MLEC: variants seen among roughly 807,000 people sequenced by gnomAD.
MLEC encodes malectin.
In MLEC, 7 loss-of-function variants were observed where a neutral mutation model predicts 28.7. The observed-to-expected ratio is 0.24, with a 90% confidence interval of 0.14 to 0.46. The LOEUF is 0.46. Among genes scored for constraint, MLEC ranks in the 20% least tolerant of loss-of-function variants. The pLI is 0.99. For missense variants in MLEC, 237 were observed against 391.1 expected, an observed-to-expected ratio of 0.61 and a Z score of 3.32; for synonymous variants, 142 against 164.4, an observed-to-expected ratio of 0.86 and a Z score of 1.04.
At position 120,696,703 on chromosome 12, in the gene MLEC, G is replaced by C; in HGVS notation, c.*158G>C. The C allele has an allele frequency of 9.0e-7, 1 of 1,108,180 alleles. No individual in the cohort carries two copies. Among genetic ancestry groups the C allele is most frequent in the Non-Finnish European group, 1.3e-6 (1 of 793,348 alleles). The allele number at this position is 1,108,180 out of a possible 1,614,324, so 68.6% of individuals were successfully genotyped here. A position where few individuals can be genotyped will look rare whatever the true frequency, so the allele number is the denominator to read the frequency against. ...GACAAAAAGAGGCAGAGCGAGTAGA[G>C]AGCAGCCCTCATTCACCACCTGGTC... On this transcript the variant is annotated 3_prime_UTR_variant, in exon 5 of 5. Coordinates refer to ENST00000228506, the MANE Select transcript of MLEC (RefSeq NM_014730.4). This position sits in a 1 kb window ranked among gnomAD's most constrained non-coding sequence, Gnocchi z 5.4.
At position 120,696,556 on chromosome 12, in the gene MLEC, C is replaced by G; in HGVS notation, c.*11C>G. 1.2e-6 allele frequency: 2 copies of G among 1,614,124 alleles called. No homozygotes were observed. The highest frequency in any genetic ancestry group is 1.7e-6 in the Non-Finnish European group (2 of 1,180,000). On this transcript the variant is annotated 3_prime_UTR_variant, in exon 5 of 5. Transcript: ENST00000228506. This position sits in a 1 kb window ranked among gnomAD's most constrained non-coding sequence, Gnocchi z 5.4. ...CTCTGCCGGTTGTGAGAACAAATGACTATCCTGAACAGGGTGGAGGGGTGT... is the reference window on the plus strand; with the variant it reads ...CTCTGCCGGTTGTGAGAACAAATGAGTATCCTGAACAGGGTGGAGGGGTGT...
Position 120,696,426 on chromosome 12 carries a change from G to T in MLEC, c.760G>T (p.Val254Leu), listed in dbSNP as rs1882235929. 1.2e-6 allele frequency: 2 copies of T among 1,614,110 alleles called. No individual in the cohort carries two copies. The highest frequency in any genetic ancestry group is 4.5e-5 in the East Asian group (2 of 44,886). The change falls in exon 5 of 5, where the codon GTG becomes TTG. Residue 254 changes from valine (V) to leucine (L), a missense_variant. By Grantham distance (32) the Val-to-Leu change is conservative. Coordinates refer to ENST00000228506, the MANE Select transcript of MLEC (RefSeq NM_014730.4). This position sits in a 1 kb window ranked among gnomAD's most constrained non-coding sequence, Gnocchi z 5.4. ...CAAAAAACAGACCAATAAGAACCGG[G>T]TGCAGTCAGGCCCCCGCACACCCAA... The part of the protein sequence containing the change: ...NLKKQTNKNR[V>L]QSGPRTPNPY...
Position 120,697,449 on chromosome 12 carries a change from T to C in MLEC, c.*904T>C, listed in dbSNP as rs984839914. ...CTTGAATGTCTTCTCCTTTACCACC[T>C]CACCTTGTTGGTACCTCCCTCCCTG... On this transcript the variant is annotated 3_prime_UTR_variant, in exon 5 of 5. Coordinates refer to ENST00000228506, the MANE Select transcript of MLEC (RefSeq NM_014730.4). The surrounding 1 kb of genome is among the most constrained non-coding windows in gnomAD (Gnocchi z 4.8). 1 of 152,672 alleles carries C rather than the reference T, an allele frequency of 6.5e-6. No individual in the cohort carries two copies. The highest frequency in any genetic ancestry group is 1.5e-5 in the Non-Finnish European group (1 of 68,100). 9.5% of individuals were successfully genotyped at this position (152,672 alleles called of 1,614,324 possible).
intron 1 of MLEC, among the ~76,000 whole-genome samples, chr12:120,693,813 G>A (rs1882123336): frequency 6.6e-6 from 1 of 152,210 alleles, no homozygotes; most frequent in Non-Finnish European, 1.5e-5. Flanking sequence ...GGGGGAAAAA[G>A]TCATTTTAAT....
At position 120,694,065 on chromosome 12, in the gene MLEC, G is replaced by A. The variant is rs992766024; in HGVS notation, c.236-26G>A. On this transcript the variant is annotated intron_variant, in intron 1 of 4. Transcript: ENST00000228506. This position sits in a 1 kb window ranked among gnomAD's most constrained non-coding sequence, Gnocchi z 4.5. Reference sequence around the variant, plus strand: ...TTCTTTTGTGTCTTGCCTCTGATGTGCTTTCTCTTTGTCTTTTGTCCTCAG... The same window carrying A: ...TTCTTTTGTGTCTTGCCTCTGATGTACTTTCTCTTTGTCTTTTGTCCTCAG... The A allele has an allele frequency of 1.4e-5, 23 of 1,602,580 alleles. No individual in the cohort carries two copies. Among genetic ancestry groups the A allele is most frequent in the Non-Finnish European group, 1.9e-5 (22 of 1,172,810 alleles).
rs530349203 is a variant in MLEC at position 120,697,977 on chromosome 12, C to G, written c.*1432C>G. The G allele has an allele frequency of 1.3e-5, 2 of 152,314 alleles. No individual in the cohort carries two copies. Among genetic ancestry groups the G allele is most frequent in the African/African-American group, 4.8e-5 (2 of 41,554 alleles). The allele number at this position is 152,314 out of a possible 1,614,324, so 9.4% of individuals were successfully genotyped here. A position where few individuals can be genotyped will look rare whatever the true frequency, so the allele number is the denominator to read the frequency against. On this transcript the variant is annotated 3_prime_UTR_variant, in exon 5 of 5. Coordinates refer to ENST00000228506, the MANE Select transcript of MLEC (RefSeq NM_014730.4). The surrounding 1 kb of genome is among the most constrained non-coding windows in gnomAD (Gnocchi z 4.8). ...CTAACCTTAGCATCTAAGTGTCGAT[C>G]TTGAATTCCCTGAAAAAATTTCTAT...
At chr12:120,690,396 A>C (rs1881995271) in intron 1 of MLEC, among the ~76,000 whole-genome samples, 1 of 152,142 alleles carries the variant, frequency 6.6e-6, no homozygotes, top group Non-Finnish European at 1.5e-5. Flanking sequence ...GAGGGCACAG[A>C]ATTTTGCTTG....
chr12:120,694,802 T>C lies in MLEC; in HGVS notation c.415-22T>C. 1 of 1,592,380 alleles carries C rather than the reference T, an allele frequency of 6.3e-7. No homozygotes were observed. Among genetic ancestry groups the C allele is most frequent in the East Asian group, 2.2e-5 (1 of 44,536 alleles). On this transcript the variant is annotated intron_variant, in intron 2 of 4. Coordinates refer to ENST00000228506, the MANE Select transcript of MLEC (RefSeq NM_014730.4). This position sits in a 1 kb window ranked among gnomAD's most constrained non-coding sequence, Gnocchi z 4.5. The stretch of plus-strand genomic sequence containing the variant: ...TGTAAAGCTGATGGTTTTGACATTG[T>C]TTTCTTTTCTTATCCTGGAAGGTAT...
intron 1 of MLEC, among the ~76,000 whole-genome samples, chr12:120,692,525 CTAA>C (rs934034999): frequency 5.3e-5 from 8 of 152,000 alleles, no homozygotes; most frequent in African/African-American, 1.7e-4. Context: ...GATCTCGTGG[CTAA>C]TGTCACTTAC....
rs1447197579 is a variant in MLEC at position 120,699,055 on chromosome 12, T to TTTTTTG, written c.*2527_*2532dup. The stretch of plus-strand genomic sequence containing the variant: ...GGCTCATGATGCTGAACTTGAAAGT[T>TTTTTTG]TTTTTGTTTTTGTTTTTGTTTTGTG... On this transcript the variant is annotated 3_prime_UTR_variant, in exon 5 of 5. Coordinates refer to ENST00000228506, the MANE Select transcript of MLEC (RefSeq NM_014730.4). 3.9e-5 allele frequency: 6 copies of TTTTTTG among 152,784 alleles called. No individual in the cohort carries two copies. The highest frequency in any genetic ancestry group is 7.3e-5 in the Non-Finnish European group (5 of 68,078). The allele number at this position is 152,784 out of a possible 1,614,324, so 9.5% of individuals were successfully genotyped here. A position where few individuals can be genotyped will look rare whatever the true frequency, so the allele number is the denominator to read the frequency against.
chr12:120,688,342 A>G (rs564962506), intron 1 of MLEC, among the ~76,000 whole-genome samples: 2 of 152,348 alleles, frequency 1.3e-5, no homozygotes, highest in African/African-American at 2.4e-5. Context: ...GCAGCTGGTT[A>G]AAAATGCAGA....
rs1397447069 is a variant in MLEC at position 120,699,150 on chromosome 12, T to C, written c.*2605T>C. 6.6e-6 allele frequency: 1 copy of C among 152,646 alleles called. No individual in the cohort carries two copies. The highest frequency in any genetic ancestry group is 1.5e-5 in the Non-Finnish European group (1 of 68,052). 9.5% of individuals were successfully genotyped at this position (152,646 alleles called of 1,614,324 possible). A position where few individuals can be genotyped will look rare whatever the true frequency, so the allele number is the denominator to read the frequency against. Reference sequence around the variant, plus strand: ...GGATTCTTTATTTTTATTTTTGTATTGTATGTGTCAAGAATTACTCTGTTG... The same window carrying C: ...GGATTCTTTATTTTTATTTTTGTATCGTATGTGTCAAGAATTACTCTGTTG... On this transcript the variant is annotated 3_prime_UTR_variant, in exon 5 of 5. Coordinates refer to ENST00000228506, the MANE Select transcript of MLEC (RefSeq NM_014730.4).
chr12:120,696,646 C>A lies in MLEC; in HGVS notation c.*101C>A. The A allele has an allele frequency of 4.6e-6, 7 of 1,509,486 alleles. No individual in the cohort carries two copies. The Admixed American group carries it at 8.6e-5, about 18-fold the overall frequency. The allele number at this position is 1,509,486 out of a possible 1,614,324, so 93.5% of individuals were successfully genotyped here. A position where few individuals can be genotyped will look rare whatever the true frequency, so the allele number is the denominator to read the frequency against. ...TTTCACAATGATTAATGAACAAAAA[C>A]AAAGAGAAAAAAACACACATCAATT... On this transcript the variant is annotated 3_prime_UTR_variant, in exon 5 of 5. Transcript: ENST00000228506. This position sits in a 1 kb window ranked among gnomAD's most constrained non-coding sequence, Gnocchi z 5.4.
chr12:120,693,042 A>C (rs1258129537), intron 1 of MLEC, among the ~76,000 whole-genome samples: 1 of 152,212 alleles, frequency 6.6e-6, no homozygotes, highest in Non-Finnish European at 1.5e-5. Flanking sequence ...AGAGGAAGAA[A>C]AAAACATATA....
Position 120,694,198 on chromosome 12 carries a change from A to G in MLEC, c.343A>G (p.Ile115Val). 1 of 1,614,178 alleles carries G rather than the reference A, an allele frequency of 6.2e-7. No individual in the cohort carries two copies. Among genetic ancestry groups the G allele is most frequent in the Non-Finnish European group, 8.5e-7 (1 of 1,180,022 alleles). ...NEETFGYEVP[I>V]KEEGDYVLVL... ...GGAGACCTTTGGCTACGAAGTGCCCATCAAAGAGGAGGGGGACTACGTGCT... is the reference window on the plus strand; with the variant it reads ...GGAGACCTTTGGCTACGAAGTGCCCGTCAAAGAGGAGGGGGACTACGTGCT... The change falls in exon 2 of 5, where the codon ATC becomes GTC. Residue 115 changes from isoleucine to valine, a missense_variant. By Grantham distance (29) the Ile-to-Val change is conservative (BLOSUM62 3). Transcript: ENST00000228506. This position sits in a 1 kb window ranked among gnomAD's most constrained non-coding sequence, Gnocchi z 4.5.
chr12:120,691,805 A>G (rs181635413), intron 1 of MLEC, among the ~76,000 whole-genome samples: 24 of 152,134 alleles, frequency 1.6e-4, no homozygotes, highest in African/African-American at 5.8e-4. Context: ...TCACTGTGGG[A>G]CTGAGACTGC....
rs1442995389 is a variant in MLEC, at chr12:120,687,167, G to C, written c.-130G>C. 9.6e-7 allele frequency: 1 copy of C among 1,038,828 alleles called. No individual in the cohort carries two copies. 64.4% of individuals were successfully genotyped at this position (1,038,828 alleles called of 1,614,324 possible). ...GGTACCCGTGGCTGAGAAGAAGGAG[G>C]CCTGAGAGCGACATGTCCCCGGCGG... On this transcript the variant is annotated 5_prime_UTR_variant, in exon 1 of 5. Transcript: ENST00000228506. This position sits in a 1 kb window ranked among gnomAD's most constrained non-coding sequence, Gnocchi z 8.1.
chr12:120,696,611 T>C lies in MLEC; in HGVS notation c.*66T>C. On this transcript the variant is annotated 3_prime_UTR_variant, in exon 5 of 5. Transcript: ENST00000228506. This position sits in a 1 kb window ranked among gnomAD's most constrained non-coding sequence, Gnocchi z 5.4. The stretch of plus-strand genomic sequence containing the variant: ...AAGAAACCAGCCATATTGGTTTTGG[T>C]TTCTGTATTTTTCACAATGATTAAT... 6.4e-7 allele frequency: 1 copy of C among 1,566,830 alleles called. No individual in the cohort carries two copies. Among genetic ancestry groups the C allele is most frequent in the East Asian group, 2.2e-5 (1 of 44,476 alleles).
intron 1 of MLEC, among the ~76,000 whole-genome samples, chr12:120,692,462 C>T (rs1290835013): frequency 6.6e-6 from 1 of 152,054 alleles, no homozygotes; most frequent in Non-Finnish European, 1.5e-5. Flanking sequence ...AGAAAAAAGT[C>T]TGAAGACAAA....
Sources: allele counts gnomAD v4.1 joint callset (sites outside exome capture counted in the v4.1 genomes callset), GRCh38; gene constraint gnomAD v4.1.1; non-coding constraint Gnocchi (gnomAD v3.1); transcripts MANE v1.5; gene names NCBI Gene and HGNC (gene_info 2026-07-23, HGNC 2026-07-21).